DOCK10: variants seen among roughly 807,000 people sequenced by gnomAD.
DOCK10 encodes the protein dedicator of cytokinesis 10, also known as dedicator of cytokinesis protein 10.
In DOCK10, 145 loss-of-function variants were observed where a neutral mutation model predicts 280.1. The ratio of observed to expected loss-of-function variants is 0.52; its 90% confidence interval spans 0.45 to 0.59. The LOEUF (loss-of-function observed/expected upper bound fraction) is 0.59. DOCK10 is among the 20% of genes least tolerant of loss of function. The pLI, the probability that DOCK10 is intolerant of heterozygous loss-of-function variation, is 0.00. For synonymous variants in DOCK10, 915 were observed against 942.2 expected, an observed-to-expected ratio of 0.97 and a Z score of 0.53; for missense variants, 2,368 against 2,651.7, an observed-to-expected ratio of 0.89 and a Z score of 2.35.
chr2:224,867,360 G>T (rs2125643037), intron 11 of DOCK10, among the ~76,000 whole-genome samples: 1 of 152,224 alleles, frequency 6.6e-6, no homozygotes, highest in South Asian at 2.1e-4. Flanking sequence ...TTTTCTAGTT[G>T]CCTCCTCTGG....
At chr2:224,876,327 TA>T in intron 7 of DOCK10, 106 bp from the exon 8 acceptor site, 1 of 993,494 alleles carries the variant, frequency 1.0e-6, no homozygotes, top group Non-Finnish European at 1.4e-6. Context: ...TCCATACAGA[TA>T]GATAACATAA....
intron 3 of DOCK10, among the ~76,000 whole-genome samples, chr2:224,913,814 G>A (rs755369463): frequency 4.6e-5 from 7 of 151,968 alleles, no homozygotes; most frequent in African/African-American, 7.2e-5. Flanking sequence ...TGCAAGCTCC[G>A]CCTCCCAGGT....
intron 2 of DOCK10, among the ~76,000 whole-genome samples, chr2:224,925,663 C>A (rs1484288992): frequency 6.6e-6 from 1 of 152,146 alleles, no homozygotes; most frequent in East Asian, 1.9e-4. Flanking sequence ...CTGGTGTGGA[C>A]AAAATTGAAG....
At chr2:224,950,339 A>AT (rs1240244325) in intron 1 of DOCK10, among the ~76,000 whole-genome samples, 1 of 152,194 alleles carries the variant, frequency 6.6e-6, no homozygotes, top group Non-Finnish European at 1.5e-5. Context: ...GCTGGTCTAA[A>AT]TTTTTTATGG....
chr2:224,808,233 T>C, intron 31 of DOCK10, 147 bp from the exon 32 acceptor site: 1 of 737,342 alleles, frequency 1.4e-6, no homozygotes. Context: ...ATGAGGTGTG[T>C]TGTATCCTCA....
chr2:224,797,484 C>T (rs1300008352), intron 42 of DOCK10, among the ~76,000 whole-genome samples: 1 of 152,146 alleles, frequency 6.6e-6, no homozygotes, highest in Non-Finnish European at 1.5e-5. Context: ...TCCTCAAAGG[C>T]GGTGGCTGTA....
At chr2:224,888,529 C>T (rs10192453) in intron 4 of DOCK10, among the ~76,000 whole-genome samples, 1,661 of 151,420 alleles carry the variant, frequency 0.011, 29 homozygotes, top group African/African-American at 0.038. Context: ...TGTCAATGGA[C>T]ACTTAGGAGG....
At chr2:224,868,286 AACAGAG>A (rs1355767883) in intron 11 of DOCK10, among the ~76,000 whole-genome samples, 1 of 152,228 alleles carries the variant, frequency 6.6e-6, no homozygotes, top group Non-Finnish European at 1.5e-5. Flanking sequence ...TGTCACATAC[AACAGAG>A]ACAAAGACCA....
chr2:224,990,910 C>T (rs776817185), intron 1 of DOCK10, among the ~76,000 whole-genome samples: 18 of 152,232 alleles, frequency 1.2e-4, no homozygotes, highest in Non-Finnish European at 2.1e-4. Flanking sequence ...AAGGATGTCA[C>T]GTGATTCCCT....
chr2:224,789,972 G>C (rs200050215), intron 47 of DOCK10, among the ~76,000 whole-genome samples: 1 of 152,022 alleles, frequency 6.6e-6, no homozygotes, highest in Non-Finnish European at 1.5e-5. Flanking sequence ...GTAGAGACGG[G>C]GTTTCACCAT....
intron 2 of DOCK10, among the ~76,000 whole-genome samples, chr2:224,917,950 A>T (rs1400012156): frequency 6.6e-6 from 1 of 152,124 alleles, no homozygotes; most frequent in Non-Finnish European, 1.5e-5. Flanking sequence ...ACATCCCCCA[A>T]ATCACAGCTA....
chr2:224,787,129 A>C lies in DOCK10; in HGVS notation c.5548T>G (p.Ser1850Ala). ...CGATGAATGTCGTAGTAGAGATCTG[A>C]CAATTTCTGAAACCATAAGTGAAAG... ...FEKQRDFKKL[S>A]DLYYDIHRSY... Residue 1850 changes from serine (S) to alanine (A), a missense_variant, in exon 50 of 56, where the codon TCA (serine) becomes GCA (alanine). This residue lies in a region of DOCK10 where 1,159 missense variants were observed against 1,400.8 expected (regional missense o/e 0.83). Transcript: ENST00000258390. The C allele has an allele frequency of 6.2e-7, 1 of 1,613,642 alleles. No homozygotes were observed. The highest frequency in any genetic ancestry group is 8.5e-7 in the Non-Finnish European group (1 of 1,179,492).
intron 2 of DOCK10, among the ~76,000 whole-genome samples, chr2:224,925,573 T>C (rs1702003647): frequency 6.6e-6 from 1 of 152,246 alleles, no homozygotes; most frequent in African/African-American, 2.4e-5. Flanking sequence ...GGTCTGCTTC[T>C]TATTCGTATT....
intron 1 of DOCK10, among the ~76,000 whole-genome samples, chr2:224,965,862 C>T (rs1704708862): frequency 6.6e-6 from 1 of 152,088 alleles, no homozygotes; most frequent in Non-Finnish European, 1.5e-5. Context: ...TTATATAAAA[C>T]TCTGTATTTT....
intron 3 of DOCK10, among the ~76,000 whole-genome samples, chr2:224,898,586 CT>C (rs1014050637): frequency 6.6e-6 from 1 of 151,782 alleles, no homozygotes; most frequent in African/African-American, 2.4e-5. Flanking sequence ...AAAATTGAGC[CT>C]TTTTTTTGAG....
rs769883110 is a variant in DOCK10 at position 224,806,246 on chromosome 2, A to G, written c.3703-9T>C. The G allele has an allele frequency of 4.1e-6, 6 of 1,478,922 alleles. No individual in the cohort carries two copies. In the South Asian group the frequency reaches 7.2e-5, roughly 18 times the overall value. The allele number at this position is 1,478,922 out of a possible 1,614,324, so 91.6% of individuals were successfully genotyped here. ...AGATCATCTCTAGACCCCTGTATTCAAAGTATAGTAAAGATTAATGGGAAT... is the reference window on the plus strand; with the variant it reads ...AGATCATCTCTAGACCCCTGTATTCGAAGTATAGTAAAGATTAATGGGAAT... On this transcript the variant is annotated splice_polypyrimidine_tract_variant and intron_variant, in intron 33 of 55. Coordinates refer to ENST00000258390, the MANE Select transcript of DOCK10 (RefSeq NM_014689.3).
intron 47 of DOCK10, 97 bp downstream of exon 47, chr2:224,792,877 T>G (rs1692295661): frequency 1.1e-6 from 1 of 936,034 alleles, no homozygotes; most frequent in Admixed American, 2.3e-5. Context: ...CAGTTTTTGC[T>G]TCTAAGAATA....
intron 17 of DOCK10, 48 bp from the exon 18 acceptor site, chr2:224,852,490 AACAT>A: frequency 1.4e-6 from 2 of 1,465,998 alleles, no homozygotes; most frequent in Non-Finnish European, 9.3e-7. Flanking sequence ...CCTATCAAAT[AACAT>A]AAAAAACCCA....
chr2:224,927,846 C>T (rs552697918), intron 2 of DOCK10, among the ~76,000 whole-genome samples: 1 of 151,318 alleles, frequency 6.6e-6, no homozygotes, highest in African/African-American at 2.4e-5. Flanking sequence ...TGCTTGGTAA[C>T]GTGGAAACAT....
Sources: gnomAD v4.1 joint callset for allele counts (sites outside exome capture counted in the v4.1 genomes callset) on GRCh38, gnomAD v4.1.1 for gene constraint, gnomAD v4.1.1 regional missense constraint, MANE v1.5 for transcripts, NCBI Gene and HGNC (gene_info 2026-07-23, HGNC 2026-07-21) for gene names.